Variants in BDNF observed in about 807,000 individuals in gnomAD.
BDNF encodes the protein brain derived neurotrophic factor.
In BDNF, 1 loss-of-function variant was observed where a neutral mutation model predicts 19.5. The ratio of observed to expected loss-of-function variants is 0.05; its 90% CI spans 0.02 to 0.24. The LOEUF (loss-of-function observed/expected upper bound fraction) is 0.24. Ranked by LOEUF, BDNF falls within the 10% of genes least tolerant of loss-of-function variation. The probability of loss-of-function intolerance (pLI) is 1.00; values close to 1 mark genes in which losing one functional copy is unlikely to be tolerated. For missense variants in BDNF, 195 were observed against 317.6 expected, an observed-to-expected ratio of 0.61 and a Z score of 2.93; for synonymous variants, 100 against 121.6, an observed-to-expected ratio of 0.82 and a Z score of 1.17.
intron 1 of BDNF, chr11:27,699,451 C>T (rs1306891572): frequency 1.2e-6 from 2 of 1,614,174 alleles, no homozygotes; most frequent in South Asian, 2.2e-5. Flanking sequence ...TACATCCCAA[C>T]CACTCCCCGA....
At chr11:27,672,853 T>TG (rs1247785344) in intron 1 of BDNF, among the ~76,000 whole-genome samples, 2 of 152,108 alleles carry the variant, frequency 1.3e-5, no homozygotes, top group African/African-American at 4.8e-5. Flanking sequence ...AGGGATTTGA[T>TG]GGGGGCAGCT....
Position 27,656,807 on chromosome 11 carries a change from G to T in BDNF, c.*1014C>A. On this transcript the variant is annotated 3_prime_UTR_variant, in exon 2 of 2. Transcript: ENST00000356660. ...TTGGGGTTATTTTTTGTTGTTTTCT[G>T]TTCTAAAAAAAAATCACTGTTCTCC... 1 of 984,912 alleles carries T rather than the reference G, an allele frequency of 1.0e-6. No homozygotes were observed. Among genetic ancestry groups the T allele is most frequent in the Non-Finnish European group, 1.2e-6 (1 of 829,836 alleles). The allele number at this position is 984,912 out of a possible 1,614,324, so 61.0% of individuals were successfully genotyped here. A position where few individuals can be genotyped will look rare whatever the true frequency, so the allele number is the denominator to read the frequency against.
chr11:27,664,014 C>T (rs889025113), intron 1 of BDNF, among the ~76,000 whole-genome samples: 1 of 151,248 alleles, frequency 6.6e-6, no homozygotes, highest in African/African-American at 2.4e-5. Context: ...AGCAACAGTA[C>T]AGATAATTCA....
chr11:27,689,473 C>T (rs1489314569), intron 1 of BDNF, among the ~76,000 whole-genome samples: 1 of 152,176 alleles, frequency 6.6e-6, no homozygotes, highest in African/African-American at 2.4e-5. Flanking sequence ...TTGAAGTGTG[C>T]AATCTTGTCT....
At chr11:27,669,070 T>G (rs1314171402) in intron 1 of BDNF, among the ~76,000 whole-genome samples, 1 of 152,164 alleles carries the variant, frequency 6.6e-6, no homozygotes, top group Non-Finnish European at 1.5e-5. Context: ...CATGATCAAG[T>G]TGGCTTCATC....
intron 1 of BDNF, among the ~76,000 whole-genome samples, chr11:27,715,854 AC>A (rs1204133998): frequency 6.6e-6 from 1 of 152,138 alleles, no homozygotes; most frequent in Non-Finnish European, 1.5e-5. Flanking sequence ...ATCAAATGAA[AC>A]CTATAGAGAG....
chr11:27,673,723 A>G (rs1855709071), intron 1 of BDNF, among the ~76,000 whole-genome samples: 1 of 152,186 alleles, frequency 6.6e-6, no homozygotes. Flanking sequence ...TATCTGAGCA[A>G]TTTCCATTAT....
At chr11:27,702,212 C>G (rs1025643248), upstream of BDNF, among the ~76,000 whole-genome samples, 31 of 152,116 alleles carry the variant, frequency 2.0e-4, no homozygotes, top group Admixed American at 2.0e-4. Flanking sequence ...ACAGCAGTAC[C>G]GTACTTAACT....
At chr11:27,717,832 A>T (rs1860571284) in intron 1 of BDNF, among the ~76,000 whole-genome samples, 1 of 151,604 alleles carries the variant, frequency 6.6e-6, no homozygotes, top group African/African-American at 2.4e-5. Flanking sequence ...ACAACAGTTT[A>T]GGTGAAACCA....
intron 1 of BDNF, among the ~76,000 whole-genome samples, chr11:27,692,347 C>G (rs1858407056): frequency 1.3e-5 from 2 of 152,070 alleles, no homozygotes; most frequent in Admixed American, 1.3e-4. Flanking sequence ...TTCCTTCCTT[C>G]CCTTCCTTCC....
intron 1 of BDNF, among the ~76,000 whole-genome samples, chr11:27,716,440 T>TACACACACACACACAGACAC (rs1322581829): frequency 1.2e-5 from 1 of 86,474 alleles, no homozygotes; most frequent in African/African-American, 3.9e-5. Context: ...CACACGCCCA[T>TACACACACACACACAGACAC]ACACACACAC....
chr11:27,693,489 C>T (rs1858568766), intron 1 of BDNF, among the ~76,000 whole-genome samples: 1 of 152,156 alleles, frequency 6.6e-6, no homozygotes, highest in South Asian at 2.1e-4. Context: ...TATCTGCTGG[C>T]TTTATGTTTC....
intron 1 of BDNF, among the ~76,000 whole-genome samples, chr11:27,667,189 A>T (rs909004238): frequency 6.6e-6 from 1 of 152,170 alleles, no homozygotes; most frequent in Admixed American, 6.5e-5. Flanking sequence ...TGAAGGAGAA[A>T]TAAAATCCTT....
At chr11:27,672,896 C>G (rs907510553) in intron 1 of BDNF, among the ~76,000 whole-genome samples, 6 of 152,142 alleles carry the variant, frequency 3.9e-5, no homozygotes, top group African/African-American at 1.2e-4. Context: ...GTCCACTGTT[C>G]AGGCTTTTTA....
chr11:27,659,322 T>C lies in BDNF; in HGVS notation c.-21-737A>G, dbSNP rs149287030. On this transcript the variant is annotated intron_variant, in intron 1 of 1. Transcript: ENST00000356660. ...CTCCCAATTCCACTGTTCTTTATTC[T>C]ACACCTGGGTGGTCACAACTGAAAA... 2,151 of 1,000,188 alleles carry C rather than the reference T, an allele frequency of 2.2e-3. 7 individuals carry two copies. Among genetic ancestry groups the C allele is most frequent in the Admixed American group, 2.8e-3 (45 of 16,300 alleles). The allele number at this position is 1,000,188 out of a possible 1,614,324, so 62.0% of individuals were successfully genotyped here. A position where few individuals can be genotyped will look rare whatever the true frequency, so the allele number is the denominator to read the frequency against.
chr11:27,706,579 C>A (rs989781349), intron 1 of BDNF, among the ~76,000 whole-genome samples: 1 of 152,212 alleles, frequency 6.6e-6, no homozygotes, highest in Non-Finnish European at 1.5e-5. Flanking sequence ...GATCTCACAA[C>A]CTTTCTTCAT....
chr11:27,688,886 C>G (rs1192861592), intron 1 of BDNF, among the ~76,000 whole-genome samples: 1 of 152,194 alleles, frequency 6.6e-6, no homozygotes, highest in African/African-American at 2.4e-5. Context: ...TATTTCTAAT[C>G]ATTCACTTAG....
chr11:27,690,468 A>G (rs1858101648), intron 1 of BDNF, among the ~76,000 whole-genome samples: 1 of 152,060 alleles, frequency 6.6e-6, no homozygotes, highest in East Asian at 1.9e-4. Flanking sequence ...CAAACTATGC[A>G]CAAGTTTGCT....
chr11:27,707,324 G>T (rs971875863), intron 1 of BDNF, among the ~76,000 whole-genome samples: 2 of 152,144 alleles, frequency 1.3e-5, no homozygotes, highest in Admixed American at 6.5e-5. Context: ...CAAATCATGG[G>T]ATCAGCAGAA....
Sources: allele counts gnomAD v4.1 joint callset (sites outside exome capture counted in the v4.1 genomes callset), GRCh38; gene constraint gnomAD v4.1.1; transcripts MANE v1.5; gene names NCBI Gene and HGNC (gene_info 2026-07-23, HGNC 2026-07-21).